Variants in LRP1B observed in about 807,000 individuals in gnomAD.
LRP1B encodes the protein low-density lipoprotein receptor-related protein 1B.
Under a neutral mutation model 556.6 loss-of-function variants are expected in LRP1B, and 217 were observed. The observed-to-expected ratio is 0.39, with a 90% CI of 0.35 to 0.44. The LOEUF (loss-of-function observed/expected upper bound fraction) is 0.44. LRP1B is among the 20% of genes least tolerant of loss of function. LRP1B has a pLI of 1.00. For missense variants in LRP1B, 5,053 were observed against 5,620.8 expected, an observed-to-expected ratio of 0.90 and a Z score of 3.23; for synonymous variants, 2,047 against 1,865.8, an observed-to-expected ratio of 1.10 and a Z score of -2.50.
At chr2:142,092,217 T>C (rs959141070) in intron 1 of LRP1B, among the ~76,000 whole-genome samples, 1 of 152,198 alleles carries the variant, frequency 6.6e-6, no homozygotes, top group Non-Finnish European at 1.5e-5. Flanking sequence ...GGTTTCTTAG[T>C]TCAGAGGAAG....
intron 32 of LRP1B, among the ~76,000 whole-genome samples, chr2:140,802,930 TG>T (rs1690565439): frequency 6.6e-6 from 1 of 152,176 alleles, no homozygotes; most frequent in South Asian, 2.1e-4. Context: ...CTAGTCAAGC[TG>T]TCCTTATAAG....
intron 83 of LRP1B, among the ~76,000 whole-genome samples, chr2:140,302,665 T>G: frequency 6.6e-6 from 1 of 152,206 alleles, no homozygotes; most frequent in African/African-American, 2.4e-5. Context: ...TGGGTGGGTA[T>G]CATCCAATTA....
intron 1 of LRP1B, among the ~76,000 whole-genome samples, chr2:142,124,774 A>G (rs1707578897): frequency 6.6e-6 from 1 of 151,888 alleles, no homozygotes; most frequent in Non-Finnish European, 1.5e-5. Context: ...GCAAAAGCAC[A>G]TATGATTTGC....
intron 66 of LRP1B, among the ~76,000 whole-genome samples, chr2:140,442,035 TCTA>T (rs1319735558): frequency 1.3e-5 from 2 of 152,184 alleles, no homozygotes; most frequent in Non-Finnish European, 2.9e-5. Context: ...ATCACTGTCA[TCTA>T]CTAATATGGA....
intron 1 of LRP1B, among the ~76,000 whole-genome samples, chr2:142,054,722 C>T (rs551334237): frequency 2.0e-5 from 3 of 152,170 alleles, no homozygotes; most frequent in South Asian, 2.1e-4. Context: ...CCATAGACTG[C>T]ACCTTATTTA....
chr2:140,592,935 GACAC>G (rs10594387), intron 43 of LRP1B, among the ~76,000 whole-genome samples: 29,572 of 148,850 alleles, frequency 0.2, 3,176 homozygotes, highest in South Asian at 0.25. Flanking sequence ...GTGAGATCCT[GACAC>G]ACACACACAC....
intron 3 of LRP1B, 105 bp from the exon 4 acceptor site, chr2:141,254,746 G>A (rs1191875983): frequency 1.2e-6 from 1 of 843,394 alleles, no homozygotes; most frequent in Non-Finnish European, 1.7e-6. Flanking sequence ...TGTTCTCCCA[G>A]AAAGTTTATA....
At chr2:140,345,793 TATATAC>T in intron 77 of LRP1B, among the ~76,000 whole-genome samples, 1 of 142,576 alleles carries the variant, frequency 7.0e-6, no homozygotes, top group African/African-American at 2.6e-5. Flanking sequence ...TATATACACA[TATATAC>T]ATATATACAC....
intron 59 of LRP1B, among the ~76,000 whole-genome samples, chr2:140,481,791 G>C (rs1341212272): frequency 6.6e-6 from 1 of 151,946 alleles, no homozygotes; most frequent in African/African-American, 2.4e-5. Flanking sequence ...GTTCTGACTT[G>C]TTCCTAGCTT....
chr2:141,723,362 T>C (rs1331819199), intron 2 of LRP1B, among the ~76,000 whole-genome samples: 2 of 150,352 alleles, frequency 1.3e-5, no homozygotes, highest in African/African-American at 4.9e-5. Flanking sequence ...TATAATTTAA[T>C]ATATATTAAT....
chr2:140,231,766 A>G lies in LRP1B; in HGVS notation c.*1420T>C, dbSNP rs1051711754. 1.3e-5 allele frequency: 2 copies of G among 151,704 alleles called. No individual in the cohort carries two copies. The highest frequency in any genetic ancestry group is 3.0e-5 in the Non-Finnish European group (2 of 67,532). 9.4% of individuals were successfully genotyped at this position (151,704 alleles called of 1,614,324 possible). On this transcript the variant is annotated 3_prime_UTR_variant, in exon 91 of 91. Transcript: ENST00000389484. Reference sequence around the variant, plus strand: ...GTACAAAGGGATAAAGAGCAACCACATATTTAACATATTTCATCTGTTAGG... The same window carrying G: ...GTACAAAGGGATAAAGAGCAACCACGTATTTAACATATTTCATCTGTTAGG...
intron 47 of LRP1B, 86 bp downstream of exon 47, chr2:140,533,935 C>A: frequency 6.8e-7 from 1 of 1,466,662 alleles, no homozygotes; most frequent in Non-Finnish European, 9.4e-7. Context: ...TGTTATATGC[C>A]ACAGAGCTCT....
chr2:141,268,967 T>G (rs999501952), intron 3 of LRP1B, among the ~76,000 whole-genome samples: 1 of 152,034 alleles, frequency 6.6e-6, no homozygotes, highest in Non-Finnish European at 1.5e-5. Flanking sequence ...AAGACCAAAG[T>G]CAACCACTCA....
At chr2:142,006,935 CT>C (rs1480536624) in intron 1 of LRP1B, among the ~76,000 whole-genome samples, 3 of 151,966 alleles carry the variant, frequency 2.0e-5, no homozygotes, top group Admixed American at 6.6e-5. Flanking sequence ...TTAAAATTTG[CT>C]TTAGAAATAT....
intron 20 of LRP1B, among the ~76,000 whole-genome samples, chr2:140,949,085 G>T (rs993040648): frequency 2.6e-5 from 4 of 152,126 alleles, no homozygotes; most frequent in Admixed American, 2.6e-4. Context: ...GCTTTCTTTT[G>T]CTCATGGAGT....
At chr2:141,157,263 T>C (rs1209435470) in intron 7 of LRP1B, among the ~76,000 whole-genome samples, 4 of 152,100 alleles carry the variant, frequency 2.6e-5, no homozygotes, top group Non-Finnish European at 4.4e-5. Context: ...TAGATATTAA[T>C]AACATATGAA....
At chr2:141,537,890 C>A (rs1432327617) in intron 2 of LRP1B, among the ~76,000 whole-genome samples, 1 of 152,132 alleles carries the variant, frequency 6.6e-6, no homozygotes, top group Admixed American at 6.6e-5. Flanking sequence ...GACTCCATAA[C>A]AATCCTCTTG....
At chr2:140,398,150 C>G (rs1156439584) in intron 66 of LRP1B, among the ~76,000 whole-genome samples, 1 of 151,974 alleles carries the variant, frequency 6.6e-6, no homozygotes, top group African/African-American at 2.4e-5. Context: ...ACTTTATAAC[C>G]ACAGTTAGCA....
intron 10 of LRP1B, among the ~76,000 whole-genome samples, chr2:141,050,259 T>G (rs962679767): frequency 8.6e-5 from 13 of 151,890 alleles, no homozygotes; most frequent in African/African-American, 3.1e-4. Flanking sequence ...ATATTAACAT[T>G]TATATTTCTT....
Sources: gnomAD v4.1 joint callset for allele counts (sites outside exome capture counted in the v4.1 genomes callset) on GRCh38, gnomAD v4.1.1 for gene constraint, MANE v1.5 for transcripts, NCBI Gene and HGNC (gene_info 2026-07-23, HGNC 2026-07-21) for gene names.